TPRG1: variants seen among roughly 807,000 people sequenced by gnomAD.
TPRG1 encodes tumor protein p63-regulated gene 1 protein.
Under a neutral mutation model 29.3 loss-of-function variants are expected in TPRG1, and 29 were observed. That is an observed-to-expected ratio of 0.99 (90% CI 0.74 to 1.35). The LOEUF (loss-of-function observed/expected upper bound fraction) is 1.35. Ranked by LOEUF, TPRG1 falls within the 40% of genes most tolerant of loss-of-function variation. TPRG1 has a pLI of 0.00. For synonymous variants in TPRG1, 130 were observed against 116.8 expected (o/e 1.11, Z -0.73); for missense variants, 327 against 335.0 (o/e 0.98, Z 0.19).
At chr3:189,264,304 AG>A in intron 4 of TPRG1, among the ~76,000 whole-genome samples, 1 of 152,348 alleles carries the variant, frequency 6.6e-6, no homozygotes, top group Middle Eastern at 3.4e-3. Context: ...CTTGTCAGCA[AG>A]CAAGAAGTAC....
intron 2 of TPRG1, among the ~76,000 whole-genome samples, chr3:189,209,274 G>T (rs995126179): frequency 4.6e-5 from 7 of 152,192 alleles, no homozygotes; most frequent in Non-Finnish European, 1.0e-4. Flanking sequence ...AACATGAGTT[G>T]TCACAGTGCA....
chr3:189,141,471 C>T (rs7609762), intron 3 of TPRG1, among the ~76,000 whole-genome samples: 49,509 of 151,786 alleles, frequency 0.33, 8,475 homozygotes, highest in South Asian at 0.46. Context: ...ACCAAGAAGC[C>T]GGAAGACAGG....
At chr3:189,235,887 A>T (rs1444112532) in intron 3 of TPRG1, among the ~76,000 whole-genome samples, 3 of 152,232 alleles carry the variant, frequency 2.0e-5, no homozygotes, top group African/African-American at 7.2e-5. Context: ...CATTTAGACC[A>T]AAGGGTTCTT....
At chr3:189,224,284 C>G (rs555255266) in intron 3 of TPRG1, among the ~76,000 whole-genome samples, 2 of 152,164 alleles carry the variant, frequency 1.3e-5, no homozygotes, top group African/African-American at 4.8e-5. Flanking sequence ...AGATCGAGAC[C>G]ATCCTGGCCA....
chr3:189,071,592 T>G (rs1716816008), intron 4 of TPRG1, among the ~76,000 whole-genome samples: 4 of 152,126 alleles, frequency 2.6e-5, no homozygotes, highest in African/African-American at 4.8e-5. Flanking sequence ...ACAGAAAAAG[T>G]CATTTACAGT....
chr3:189,070,275 AG>A lies in TPRG1; in HGVS notation c.-463+46331del, dbSNP rs971254658. Among the ~76,000 whole-genome samples the A allele has an allele frequency of 2.1e-3, 322 of 152,276 alleles. 3 individuals carry two copies. Among genetic ancestry groups the A allele is most frequent in the African/African-American group, 7.5e-3 (313 of 41,552 alleles). On this transcript the variant is annotated intron_variant, in intron 4 of 10. Transcript: ENST00000433971. ...GAGTCGTGATGAAAGAGGTATAGGC[AG>A]GAGAGGGGTGAGTATCATTATGAAA... is the stretch of plus-strand genomic sequence containing the variant.
chr3:189,298,407 T>C (rs968293026), intron 4 of TPRG1, among the ~76,000 whole-genome samples: 2 of 152,234 alleles, frequency 1.3e-5, no homozygotes, highest in Admixed American at 6.5e-5. Context: ...CTAGCTCTGC[T>C]GAGTATGTCT....
At chr3:189,219,127 T>C (rs1051344238) in intron 3 of TPRG1, among the ~76,000 whole-genome samples, 1 of 152,164 alleles carries the variant, frequency 6.6e-6, no homozygotes, top group Non-Finnish European at 1.5e-5. Context: ...AATAAAACAA[T>C]GCATATGTTG....
chr3:189,208,863 T>C (rs1734821045), intron 2 of TPRG1, among the ~76,000 whole-genome samples: 1 of 152,218 alleles, frequency 6.6e-6, no homozygotes, highest in Non-Finnish European at 1.5e-5. Context: ...AAAGATTTAT[T>C]GCTGGGAGCT....
At chr3:189,248,938 A>G in intron 4 of TPRG1, among the ~76,000 whole-genome samples, 1 of 151,118 alleles carries the variant, frequency 6.6e-6, no homozygotes, top group East Asian at 1.9e-4. Flanking sequence ...CTATTATACT[A>G]CTTTCTTTCT....
chr3:189,042,442 C>T (rs1051974253), intron 4 of TPRG1, among the ~76,000 whole-genome samples: 1 of 151,984 alleles, frequency 6.6e-6, no homozygotes, highest in Non-Finnish European at 1.5e-5. Flanking sequence ...TTATAGGTTA[C>T]TTAGGTATCT....
chr3:189,162,005 T>G (rs183970390), intron 5 of TPRG1, among the ~76,000 whole-genome samples: 95 of 152,234 alleles, frequency 6.2e-4, no homozygotes, highest in African/African-American at 1.8e-3. Context: ...TTTTTTTTCT[T>G]TTTTTGAAAT....
At chr3:189,171,097 T>C (rs1728761592), upstream of TPRG1, among the ~76,000 whole-genome samples, 1 of 152,240 alleles carries the variant, frequency 6.6e-6, no homozygotes, top group South Asian at 2.1e-4. Context: ...CAACTCTGTA[T>C]GTAGAACACA....
chr3:189,217,926 C>G, intron 3 of TPRG1: 1 of 985,292 alleles, frequency 1.0e-6, no homozygotes, highest in Non-Finnish European at 1.2e-6. Context: ...AACACAAAAA[C>G]AAAAATCCCA....
At chr3:189,288,969 G>A (rs185804670) in intron 4 of TPRG1, among the ~76,000 whole-genome samples, 35 of 152,284 alleles carry the variant, frequency 2.3e-4, no homozygotes, top group African/African-American at 8.4e-4. Context: ...AGCATTTATG[G>A]AAAATTTTAT....
At chr3:189,248,513 T>C (rs1462160763) in intron 4 of TPRG1, among the ~76,000 whole-genome samples, 2 of 151,416 alleles carry the variant, frequency 1.3e-5, no homozygotes, top group Non-Finnish European at 3.0e-5. Flanking sequence ...TATATATATA[T>C]CTTGCATTTT....
At chr3:189,012,677 T>C (rs924027316) in intron 3 of TPRG1, among the ~76,000 whole-genome samples, 5 of 152,212 alleles carry the variant, frequency 3.3e-5, no homozygotes, top group African/African-American at 7.2e-5. Flanking sequence ...TCAGAACTCA[T>C]TATTGGTCTA....
intron 4 of TPRG1, among the ~76,000 whole-genome samples, chr3:189,239,460 TGTATTTTA>T (rs1332271350): frequency 6.6e-6 from 1 of 152,104 alleles, no homozygotes; most frequent in South Asian, 2.1e-4. Context: ...TCAGTAAATT[TGTATTTTA>T]GTATGAGGAC....
At chr3:189,186,408 T>C (rs1488424063) in intron 1 of TPRG1, among the ~76,000 whole-genome samples, 2 of 152,212 alleles carry the variant, frequency 1.3e-5, no homozygotes, top group African/African-American at 4.8e-5. Context: ...TACCATTCGA[T>C]GTTTTTTTCC....
Sources: allele counts gnomAD v4.1 joint callset (sites outside exome capture counted in the v4.1 genomes callset), GRCh38; gene constraint gnomAD v4.1.1; transcripts MANE v1.5; gene names NCBI Gene and HGNC (gene_info 2026-07-23, HGNC 2026-07-21).